Variants in FANCI observed in about 807,000 individuals in gnomAD.
FANCI encodes FA complementation group I.
A neutral mutation model predicts 176.1 loss-of-function variants in FANCI; 156 were observed. That is an observed-to-expected ratio of 0.89 (90% CI 0.78 to 1.01). FANCI has a LOEUF of 1.01. Ranked by LOEUF, FANCI falls within the 50% of genes least tolerant of loss-of-function variation. The probability of loss-of-function intolerance (pLI) is 0.00; values close to 1 mark genes in which losing one functional copy is unlikely to be tolerated. For synonymous variants in FANCI, 613 were observed against 541.7 expected, an observed-to-expected ratio of 1.13 and a Z score of -1.83; for missense variants, 1,678 against 1,534.1, an observed-to-expected ratio of 1.09 and a Z score of -1.57.
intron 34 of FANCI, chr15:89,307,996 G>A (rs752051197): frequency 5.6e-5 from 70 of 1,249,406 alleles, no homozygotes; most frequent in Non-Finnish European, 7.0e-5. Flanking sequence ...CATCCTCTGG[G>A]AATGTGAGCA....
In FANCI at chr15:89,307,603, T is replaced by C; in HGVS notation, c.3592-10T>C. 1 of 1,614,152 alleles carries C rather than the reference T, an allele frequency of 6.2e-7. No homozygotes were observed. ...TGGTTACATTGGTTTCCTTCTCCCTTGTTGTGCAGGTGAAGCTGTCTGGTT... is the reference window on the plus strand; with the variant it reads ...TGGTTACATTGGTTTCCTTCTCCCTCGTTGTGCAGGTGAAGCTGTCTGGTT... On this transcript the variant is annotated splice_polypyrimidine_tract_variant and intron_variant, in intron 33 of 37. Transcript: ENST00000310775.
chr15:89,258,968 G>C, intron 3 of FANCI, 192 bp downstream of exon 3: 1 of 568,454 alleles, frequency 1.8e-6, no homozygotes, highest in Non-Finnish European at 3.2e-6. Flanking sequence ...AGTTTGAAGT[G>C]GCTACCTGAG....
At chr15:89,284,668 T>C (rs1248283245) in intron 17 of FANCI, among the ~76,000 whole-genome samples, 2 of 152,236 alleles carry the variant, frequency 1.3e-5, no homozygotes, top group Non-Finnish European at 2.9e-5. Context: ...TGTCAGTTCT[T>C]TGTCATGTCC....
intron 10 of FANCI, among the ~76,000 whole-genome samples, chr15:89,272,815 G>A (rs2053250211): frequency 6.6e-6 from 1 of 152,042 alleles, no homozygotes; most frequent in South Asian, 2.1e-4. Context: ...GATTACAGGT[G>A]TGTGCCACCA....
chr15:89,263,543 C>G, intron 7 of FANCI, 83 bp downstream of exon 7: 1 of 1,139,434 alleles, frequency 8.8e-7, no homozygotes, highest in South Asian at 1.2e-5. Context: ...CAAACGTAAA[C>G]ATCACTCTCT....
At position 89,247,660 on chromosome 15, in the gene FANCI, A is replaced by G. The variant is rs200186938; in HGVS notation, c.13A>G (p.Ile5Val). 9.9e-6 allele frequency: 16 copies of G among 1,613,986 alleles called. No individual in the cohort carries two copies. The East Asian group carries it at 3.1e-4, about 32-fold the overall frequency. Reference sequence around the variant, plus strand: ...GATATGAGCAACAATGGACCAGAAGATTTTATCTCTAGCAGCAGAAAAAAC... The same window carrying G: ...GATATGAGCAACAATGGACCAGAAGGTTTTATCTCTAGCAGCAGAAAAAAC... MDQK[I>V]LSLAAEKTAD... The change falls in exon 2 of 38, where the codon ATT (isoleucine) becomes GTT (valine). Residue 5 changes from isoleucine to valine, a missense_variant. Ile to Val is a conservative substitution (Grantham distance 29, BLOSUM62 3). This residue lies in a region of FANCI where 469 missense variants were observed against 436.9 expected (regional missense o/e 1.07). Coordinates refer to ENST00000310775, the MANE Select transcript of FANCI (RefSeq NM_001113378.2).
At chr15:89,260,497 A>C (rs1250515292) in intron 3 of FANCI, among the ~76,000 whole-genome samples, 1 of 152,242 alleles carries the variant, frequency 6.6e-6, no homozygotes, top group Non-Finnish European at 1.5e-5. Flanking sequence ...TATTAAAATA[A>C]TAGGTAGATG....
In FANCI at chr15:89,314,849, C is replaced by CCT. The variant is rs1567180887; in HGVS notation, c.3816+142_3816+143insCT. ...CCATCCCCCCTCTCCCCCCCCCCCC[C>CCT]TTTTTTTTTTTGAGACTGTGTCTCA... On this transcript the variant is annotated intron_variant, in intron 36 of 37. Transcript: ENST00000310775. The CCT allele has an allele frequency of 6.9e-4, 273 of 397,594 alleles. 6 individuals are homozygous for CCT. Among genetic ancestry groups the CCT allele is most frequent in the African/African-American group, 4.0e-3 (129 of 32,204 alleles). The allele number at this position is 397,594 out of a possible 1,614,324, so 24.6% of individuals were successfully genotyped here. A position where few individuals can be genotyped will look rare whatever the true frequency, so the allele number is the denominator to read the frequency against.
rs1567173680 is a variant in FANCI, at chr15:89,305,116, G to A, written c.3060G>A (p.Glu1020=). 6.2e-7 allele frequency: 1 copy of A among 1,614,126 alleles called. No homozygotes were observed. The highest frequency in any genetic ancestry group is 1.7e-5 in the Admixed American group (1 of 60,032). Residue 1020 remains glutamate (E), a splice_region_variant and synonymous_variant, in exon 29 of 38, where the codon GAG becomes GAA. Transcript: ENST00000310775. ...TSKICKENSR[E]DALFCKSLMN... Reference sequence around the variant, plus strand: ...ATTTGCTTTTCTTCCTATTCCTAGAGGATGCCTTGTTTTGCAAGAGCTTGA... The same window carrying A: ...ATTTGCTTTTCTTCCTATTCCTAGAAGATGCCTTGTTTTGCAAGAGCTTGA...
intron 27 of FANCI, among the ~76,000 whole-genome samples, chr15:89,302,862 C>T (rs944831714): frequency 1.5e-4 from 23 of 152,180 alleles, no homozygotes; most frequent in South Asian, 1.5e-3. Flanking sequence ...TGTGAGCCAC[C>T]GCGCCTGGCC....
At chr15:89,291,588 G>A in intron 19 of FANCI, 25 bp from the exon 20 acceptor site, 2 of 1,582,364 alleles carry the variant, frequency 1.3e-6, no homozygotes, top group East Asian at 2.2e-5. Context: ...GAGCCAAGAT[G>A]TCTTTTTTTT....
Position 89,263,090 on chromosome 15 carries a change from C to T in FANCI, c.504-329C>T, listed in dbSNP as rs149771006. Among the ~76,000 whole-genome samples the T allele has an allele frequency of 4.5e-4, 69 of 152,246 alleles. No individual in the cohort carries two copies. In the East Asian group the frequency reaches 7.9e-3, roughly 17 times the overall value. ...ATAAGCATGTACATGGCATATATTT[C>T]AAATAGTAAATTGGGTAGATCTGTG... On this transcript the variant is annotated intron_variant, in intron 6 of 37. Coordinates refer to ENST00000310775, the MANE Select transcript of FANCI (RefSeq NM_001113378.2).
chr15:89,281,415 C>T (rs1776334497), intron 15 of FANCI, 115 bp downstream of exon 15: 1 of 1,331,356 alleles, frequency 7.5e-7, no homozygotes, highest in African/African-American at 1.5e-5. Flanking sequence ...CCACTTTAGT[C>T]TGAAACATAA....
chr15:89,315,260 C>G lies in FANCI; in HGVS notation c.3817-22C>G, dbSNP rs754814390. 5 of 1,566,182 alleles carry G rather than the reference C, an allele frequency of 3.2e-6. No individual in the cohort carries two copies. The South Asian group carries it at 5.5e-5, about 17-fold the overall frequency. ...AGGACCTATGAGTAGGGAGATGTCC[C>G]ATGCTTACAATCTTGTCATAGGTGA... On this transcript the variant is annotated intron_variant, in intron 36 of 37. Transcript: ENST00000310775.
intron 19 of FANCI, among the ~76,000 whole-genome samples, chr15:89,290,906 C>G (rs1041685477): frequency 6.6e-6 from 1 of 152,164 alleles, no homozygotes; most frequent in Non-Finnish European, 1.5e-5. Flanking sequence ...TACTGTCCAT[C>G]AAAAGCTTTT....
rs1209239371 is a variant in FANCI at position 89,316,710 on chromosome 15, A to C, written c.*251A>C. 6 of 1,526,090 alleles carry C rather than the reference A, an allele frequency of 3.9e-6. No homozygotes were observed. The East Asian group carries it at 1.3e-4, about 34-fold the overall frequency. The allele number at this position is 1,526,090 out of a possible 1,614,324, so 94.5% of individuals were successfully genotyped here. Reference sequence around the variant, plus strand: ...GAGTTTGGGAGCCTGCACCACCCCGATGAAGCTCCACGGGAGCAAATACAG... The same window carrying C: ...GAGTTTGGGAGCCTGCACCACCCCGCTGAAGCTCCACGGGAGCAAATACAG... On this transcript the variant is annotated 3_prime_UTR_variant, in exon 38 of 38. Transcript: ENST00000310775.
rs766346156 is a variant in FANCI at position 89,283,141 on chromosome 15, T to C, written c.1589T>C (p.Leu530Pro). ...VLRKAMFANQ[L>P]DARKSAVAGF... Reference sequence around the variant, plus strand: ...CTTCTCTATTTCTGAGCTAGCCAGCTTGATGCCCGAAAATCTGCAGTTGCT... The same window carrying C: ...CTTCTCTATTTCTGAGCTAGCCAGCCTGATGCCCGAAAATCTGCAGTTGCT... The change falls in exon 17 of 38, where the codon CTT becomes CCT. Residue 530 changes from leucine to proline, a missense_variant. Coordinates refer to ENST00000310775, the MANE Select transcript of FANCI (RefSeq NM_001113378.2). 3.1e-6 allele frequency: 5 copies of C among 1,614,208 alleles called. No individual in the cohort carries two copies. The highest frequency in any genetic ancestry group is 2.2e-5 in the South Asian group (2 of 91,086).
chr15:89,258,175 C>T (rs988285383), intron 2 of FANCI, among the ~76,000 whole-genome samples: 4 of 152,190 alleles, frequency 2.6e-5, no homozygotes, highest in Non-Finnish European at 2.9e-5. Context: ...CCTTCTCTAA[C>T]GCCTTTGAAT....
At chr15:89,307,769 T>C (rs1567175776) in intron 34 of FANCI, 97 bp downstream of exon 34, 1 of 1,600,290 alleles carries the variant, frequency 6.2e-7, no homozygotes, top group African/African-American at 1.3e-5. Context: ...ATATATAAAC[T>C]TTTTTCCCTG....
Sources: allele counts gnomAD v4.1 joint callset (sites outside exome capture counted in the v4.1 genomes callset), GRCh38; gene constraint gnomAD v4.1.1; regional missense constraint gnomAD v4.1.1; transcripts MANE v1.5; gene names NCBI Gene and HGNC (gene_info 2026-07-23, HGNC 2026-07-21).